METTL25: variants seen among roughly 807,000 people sequenced by gnomAD.
The protein encoded by METTL25 is probable methyltransferase-like protein 25.
Under a neutral mutation model 71.6 loss-of-function variants are expected in METTL25, and 64 were observed. The ratio of observed to expected loss-of-function variants is 0.89; its 90% confidence interval spans 0.73 to 1.10. The LOEUF (loss-of-function observed/expected upper bound fraction) is 1.10. Ranked by LOEUF, METTL25 falls within the 50% of genes least tolerant of loss-of-function variation. The probability of loss-of-function intolerance (pLI) is 0.00; values close to 1 mark genes in which losing one functional copy is unlikely to be tolerated. For missense variants in METTL25, 807 were observed against 707.0 expected, an observed-to-expected ratio of 1.14 and a Z score of -1.60; for synonymous variants, 287 against 250.3, an observed-to-expected ratio of 1.15 and a Z score of -1.38.
chr12:82,435,521 T>C (rs1348578598), intron 7 of METTL25, among the ~76,000 whole-genome samples: 1 of 151,408 alleles, frequency 6.6e-6, no homozygotes, highest in Non-Finnish European at 1.5e-5. Context: ...TTTGAAGGCA[T>C]TAGCGTTAGA....
intron 2 of METTL25, among the ~76,000 whole-genome samples, chr12:82,387,278 T>G (rs2136947205): frequency 6.6e-6 from 1 of 152,138 alleles, no homozygotes; most frequent in Non-Finnish European, 1.5e-5. Context: ...ACATTATTTT[T>G]GTTGCAGCAG....
chr12:82,436,678 TTG>T (rs901428530), intron 7 of METTL25, among the ~76,000 whole-genome samples: 1 of 151,624 alleles, frequency 6.6e-6, no homozygotes, highest in African/African-American at 2.4e-5. Context: ...TAAAATGAAC[TTG>T]TTCTTTTTTG....
chr12:82,373,276 A>C (rs928310595), intron 1 of METTL25, among the ~76,000 whole-genome samples: 1 of 152,118 alleles, frequency 6.6e-6, no homozygotes, highest in Non-Finnish European at 1.5e-5. Context: ...TTGAATAGGA[A>C]GGATATCATT....
chr12:82,392,095 T>G (rs572286415), intron 3 of METTL25, among the ~76,000 whole-genome samples: 1 of 150,328 alleles, frequency 6.7e-6, no homozygotes, highest in East Asian at 1.9e-4. Context: ...TTTATTTATT[T>G]TTTATTTATT....
At chr12:82,405,195 A>C (rs2137035447) in intron 5 of METTL25, among the ~76,000 whole-genome samples, 1 of 152,176 alleles carries the variant, frequency 6.6e-6, no homozygotes, top group African/African-American at 2.4e-5. Context: ...CCAAAGATGA[A>C]CCCTATCCTT....
chr12:82,437,058 C>G (rs1889974780), intron 7 of METTL25, among the ~76,000 whole-genome samples: 1 of 151,344 alleles, frequency 6.6e-6, no homozygotes, highest in Admixed American at 6.6e-5. Context: ...GATTTTGGTG[C>G]TGTAGAAAAA....
At chr12:82,473,539 G>A (rs1892689175) in intron 9 of METTL25, among the ~76,000 whole-genome samples, 1 of 152,156 alleles carries the variant, frequency 6.6e-6, no homozygotes, top group Non-Finnish European at 1.5e-5. Flanking sequence ...GTCAGCCTGG[G>A]TGATCGCCCT....
At chr12:82,475,593 C>T (rs1030336215) in intron 9 of METTL25, among the ~76,000 whole-genome samples, 11 of 151,820 alleles carry the variant, frequency 7.2e-5, no homozygotes, top group Non-Finnish European at 1.2e-4. Flanking sequence ...GATTTTTACT[C>T]ATTTTATCCA....
chr12:82,432,289 G>A (rs747023137), intron 6 of METTL25, among the ~76,000 whole-genome samples: 1 of 151,490 alleles, frequency 6.6e-6, no homozygotes, highest in East Asian at 1.9e-4. Context: ...TCCTTTGGTA[G>A]CCCCACTTAA....
intron 8 of METTL25, among the ~76,000 whole-genome samples, chr12:82,448,189 T>A (rs1044849989): frequency 6.6e-6 from 1 of 152,132 alleles, no homozygotes. Context: ...TTCTTTATTT[T>A]TCTTGCTAGC....
chr12:82,463,413 C>G (rs901231581), intron 9 of METTL25, among the ~76,000 whole-genome samples: 2 of 151,970 alleles, frequency 1.3e-5, no homozygotes, highest in African/African-American at 4.8e-5. Context: ...TGAAGGATTT[C>G]ATTATTATTT....
At chr12:82,407,884 C>G (rs1237423763) in intron 5 of METTL25, 1 of 985,106 alleles carries the variant, frequency 1.0e-6, no homozygotes, top group Non-Finnish European at 1.2e-6. Flanking sequence ...AACATACTCC[C>G]TTTTCTCTTT....
intron 5 of METTL25, among the ~76,000 whole-genome samples, chr12:82,406,374 GA>G (rs200560975): frequency 2.6e-5 from 4 of 151,510 alleles, no homozygotes; most frequent in African/African-American, 9.7e-5. Flanking sequence ...TATCTTTCTA[GA>G]AAAAAAGTAC....
At chr12:82,450,809 G>T (rs1024342823) in intron 8 of METTL25, among the ~76,000 whole-genome samples, 1 of 151,994 alleles carries the variant, frequency 6.6e-6, no homozygotes, top group African/African-American at 2.4e-5. Context: ...TCTCTGCCTG[G>T]AATTCTTCCA....
intron 7 of METTL25, among the ~76,000 whole-genome samples, chr12:82,436,312 C>T (rs1889911170): frequency 6.6e-6 from 1 of 151,354 alleles, no homozygotes; most frequent in Non-Finnish European, 1.5e-5. Context: ...GATACACATG[C>T]TTTAAGGGTA....
chr12:82,406,217 G>T (rs1887076861), intron 5 of METTL25, among the ~76,000 whole-genome samples: 1 of 152,026 alleles, frequency 6.6e-6, no homozygotes, highest in Non-Finnish European at 1.5e-5. Flanking sequence ...TCTTTAAAAA[G>T]CCCTCAATCC....
intron 1 of METTL25, among the ~76,000 whole-genome samples, chr12:82,361,065 C>G (rs957883970): frequency 6.6e-6 from 1 of 152,106 alleles, no homozygotes; most frequent in African/African-American, 2.4e-5. Context: ...CGCCAGCAGT[C>G]TGCTTTTATT....
chr12:82,386,799 T>C lies in METTL25; in HGVS notation c.260-4T>C, dbSNP rs754395847. The C allele has an allele frequency of 6.2e-7, 1 of 1,611,762 alleles. No homozygotes were observed. The highest frequency in any genetic ancestry group is 1.7e-5 in the Admixed American group (1 of 59,690). ...GAAGACTTTTTCTGTCTTCACTTTT[T>C]TAGGTATGACTGATTTTCCCAAAAT... On this transcript the variant is annotated splice_region_variant and splice_polypyrimidine_tract_variant and intron_variant, in intron 1 of 11. Transcript: ENST00000248306.
At chr12:82,454,423 TATAAAG>T (rs1891345836) in intron 8 of METTL25, among the ~76,000 whole-genome samples, 1 of 152,062 alleles carries the variant, frequency 6.6e-6, no homozygotes, top group African/African-American at 2.4e-5. Flanking sequence ...GAGGCAGTGT[TATAAAG>T]AGATGAAGTA....
Sources: gnomAD v4.1 joint callset for allele counts (sites outside exome capture counted in the v4.1 genomes callset) on GRCh38, gnomAD v4.1.1 for gene constraint, MANE v1.5 for transcripts, NCBI Gene and HGNC (gene_info 2026-07-23, HGNC 2026-07-21) for gene names.